Variants in CDH8 observed in about 807,000 individuals in gnomAD.
CDH8 encodes the protein cadherin-8.
CDH8 carries 17 observed loss-of-function variants against 68.1 expected under a neutral mutation model. The observed-to-expected ratio is 0.25, with a 90% CI of 0.17 to 0.37. CDH8 has a LOEUF of 0.37. Among genes scored for constraint, CDH8 ranks in the 10% least tolerant of loss-of-function variants. The probability of loss-of-function intolerance (pLI) is 1.00; values close to 1 mark genes in which losing one functional copy is unlikely to be tolerated. For missense variants in CDH8, 763 were observed against 999.3 expected (o/e 0.76, Z 3.19); for synonymous variants, 372 against 365.1 (o/e 1.02, Z -0.21).
chr16:61,671,226 C>T (rs1382068148), intron 10 of CDH8, among the ~76,000 whole-genome samples: 1 of 152,020 alleles, frequency 6.6e-6, no homozygotes, highest in African/African-American at 2.4e-5. Flanking sequence ...CCCTGGGTAT[C>T]TGCATTTCAA....
At chr16:61,735,138 C>A (rs893905371) in intron 8 of CDH8, among the ~76,000 whole-genome samples, 9 of 152,016 alleles carry the variant, frequency 5.9e-5, no homozygotes, top group South Asian at 4.2e-4. Context: ...GATTTAAGGC[C>A]TACCTAGGTG....
At chr16:61,774,983 G>A (rs146772346) in intron 8 of CDH8, among the ~76,000 whole-genome samples, 64 of 152,222 alleles carry the variant, frequency 4.2e-4, no homozygotes, top group African/African-American at 1.5e-3. Context: ...CATTAAAAAT[G>A]CATTAATACA....
chr16:61,873,487 T>C (rs1963407066), intron 3 of CDH8, among the ~76,000 whole-genome samples: 1 of 152,218 alleles, frequency 6.6e-6, no homozygotes, highest in South Asian at 2.1e-4. Flanking sequence ...ACATTACTAA[T>C]TAACTAGTAA....
At chr16:61,961,971 T>C (rs2150572032) in intron 2 of CDH8, among the ~76,000 whole-genome samples, 1 of 152,310 alleles carries the variant, frequency 6.6e-6, no homozygotes, top group Admixed American at 6.5e-5. Context: ...ATGTAAATAG[T>C]TGATTATCAC....
intron 4 of CDH8, among the ~76,000 whole-genome samples, chr16:61,829,158 CTCCTGCAAAGACTTTAT>C (rs1222414905): frequency 6.6e-5 from 10 of 151,798 alleles, no homozygotes; most frequent in Admixed American, 6.6e-5. Context: ...CCCCCAAAGA[CTCCTGCAAAGACTTTAT>C]TCCTGTATTT....
intron 2 of CDH8, among the ~76,000 whole-genome samples, chr16:61,916,865 G>A (rs902818784): frequency 6.6e-6 from 1 of 152,152 alleles, no homozygotes; most frequent in Non-Finnish European, 1.5e-5. Flanking sequence ...ACACCAGAGG[G>A]AGACTCGGAT....
At chr16:61,770,071 C>T (rs1960738359) in intron 8 of CDH8, among the ~76,000 whole-genome samples, 1 of 151,802 alleles carries the variant, frequency 6.6e-6, no homozygotes, top group Non-Finnish European at 1.5e-5. Flanking sequence ...CCCTTTATTA[C>T]ATCTATGGGC....
intron 10 of CDH8, among the ~76,000 whole-genome samples, chr16:61,688,516 G>T (rs1430320309): frequency 6.6e-6 from 1 of 151,816 alleles, no homozygotes; most frequent in African/African-American, 2.4e-5. Flanking sequence ...TGAGTATTTG[G>T]AAGAAATGAA....
At chr16:61,737,083 A>T (rs542139854) in intron 8 of CDH8, among the ~76,000 whole-genome samples, 1 of 152,128 alleles carries the variant, frequency 6.6e-6, no homozygotes, top group Admixed American at 6.6e-5. Flanking sequence ...CCTCTCTGTC[A>T]CATACCCTCA....
At chr16:61,963,021 G>A (rs1302280263) in intron 2 of CDH8, among the ~76,000 whole-genome samples, 2 of 152,024 alleles carry the variant, frequency 1.3e-5, no homozygotes, top group Non-Finnish European at 2.9e-5. Context: ...ATAAAGCACA[G>A]TTTACCTTAA....
intron 2 of CDH8, among the ~76,000 whole-genome samples, chr16:61,983,338 A>T (rs1046940600): frequency 1.6e-4 from 24 of 152,228 alleles, no homozygotes; most frequent in Non-Finnish European, 2.1e-4. Flanking sequence ...TCCAATGGAA[A>T]TTTGAGTTAT....
chr16:61,915,720 TG>T (rs1964228821), intron 2 of CDH8, among the ~76,000 whole-genome samples: 1 of 152,212 alleles, frequency 6.6e-6, no homozygotes, highest in Non-Finnish European at 1.5e-5. Context: ...GAGTGACCTC[TG>T]AAAACCAGTA....
intron 4 of CDH8, among the ~76,000 whole-genome samples, chr16:61,831,780 G>T (rs1183992841): frequency 6.6e-6 from 1 of 151,742 alleles, no homozygotes; most frequent in Non-Finnish European, 1.5e-5. Flanking sequence ...CTCTTCACGG[G>T]TCTCCCAGAT....
At chr16:61,758,029 G>C (rs1567456575) in intron 8 of CDH8, among the ~76,000 whole-genome samples, 1 of 152,156 alleles carries the variant, frequency 6.6e-6, no homozygotes, top group Non-Finnish European at 1.5e-5. Context: ...GTGGCAGGAA[G>C]GAGATAGATT....
chr16:62,018,531 G>A (rs542942520), intron 2 of CDH8, among the ~76,000 whole-genome samples: 4 of 152,248 alleles, frequency 2.6e-5, no homozygotes, highest in East Asian at 1.9e-4. Flanking sequence ...GATCATCTTC[G>A]CACTCAGCCT....
intron 2 of CDH8, among the ~76,000 whole-genome samples, chr16:61,912,865 A>T (rs1964183138): frequency 6.6e-6 from 1 of 152,144 alleles, no homozygotes; most frequent in African/African-American, 2.4e-5. Context: ...ATATAGCTTG[A>T]CTTCCATATC....
At chr16:61,888,331 C>T (rs1330842967) in intron 3 of CDH8, among the ~76,000 whole-genome samples, 1 of 152,172 alleles carries the variant, frequency 6.6e-6, no homozygotes, top group Admixed American at 6.5e-5. Context: ...CTAGTTGGTC[C>T]TCTGGGATTC....
At chr16:61,820,130 T>C (rs1414808163) in intron 6 of CDH8, among the ~76,000 whole-genome samples, 1 of 151,980 alleles carries the variant, frequency 6.6e-6, no homozygotes, top group Non-Finnish European at 1.5e-5. Flanking sequence ...GTACTTGTTA[T>C]GGAGATCTTT....
intron 2 of CDH8, among the ~76,000 whole-genome samples, chr16:61,906,840 C>T (rs77306751): frequency 0.022 from 3,321 of 152,240 alleles, 113 homozygotes; most frequent in African/African-American, 0.076. Context: ...GCAAAGCCCT[C>T]GCATTTCCTC....
Sources: allele counts gnomAD v4.1 joint callset (sites outside exome capture counted in the v4.1 genomes callset), GRCh38; gene constraint gnomAD v4.1.1; transcripts MANE v1.5; gene names NCBI Gene and HGNC (gene_info 2026-07-23, HGNC 2026-07-21).